The following SORCS1 variants were observed in gnomAD, a reference collection of about 807,000 sequenced individuals.
The protein encoded by SORCS1 is VPS10 domain-containing receptor SorCS1.
Under a neutral mutation model 146.1 loss-of-function variants are expected in SORCS1, and 60 were observed. That is an observed-to-expected ratio of 0.41 (90% CI 0.33 to 0.51). SORCS1 has a LOEUF of 0.51. Among genes scored for constraint, SORCS1 ranks in the 20% least tolerant of loss-of-function variants. The probability of loss-of-function intolerance (pLI) is 0.21; values close to 1 mark genes in which losing one functional copy is unlikely to be tolerated. For missense variants in SORCS1, 1,352 were observed against 1,487.6 expected (o/e 0.91, Z 1.50); for synonymous variants, 637 against 584.0 (o/e 1.09, Z -1.31).
At chr10:106,930,287 A>AAAAAAAAC (rs1469256196) in intron 2 of SORCS1, among the ~76,000 whole-genome samples, 2 of 152,080 alleles carry the variant, frequency 1.3e-5, no homozygotes, top group Admixed American at 6.6e-5. Context: ...GTCTCTAAAA[A>AAAAAAAAC]AAAAAAACAA....
intron 1 of SORCS1, among the ~76,000 whole-genome samples, chr10:107,141,918 C>G (rs760397307): frequency 1.3e-5 from 2 of 152,198 alleles, no homozygotes; most frequent in Non-Finnish European, 2.9e-5. Context: ...GTAAAATAGT[C>G]TAATTCCTTC....
intron 22 of SORCS1, among the ~76,000 whole-genome samples, chr10:106,609,962 TA>T (rs2133402646): frequency 6.6e-6 from 1 of 152,238 alleles, no homozygotes; most frequent in South Asian, 2.1e-4. Flanking sequence ...GTGGGTTCGT[TA>T]AAGAGCATAA....
intron 1 of SORCS1, among the ~76,000 whole-genome samples, chr10:107,147,287 G>A (rs190254181): frequency 2.0e-5 from 3 of 152,120 alleles, no homozygotes; most frequent in Admixed American, 1.3e-4. Context: ...CAACATGGGC[G>A]CTGGTTCTCA....
intron 1 of SORCS1, among the ~76,000 whole-genome samples, chr10:107,131,648 G>C (rs191849072): frequency 7.0e-4 from 107 of 152,290 alleles, no homozygotes; most frequent in African/African-American, 2.5e-3. Flanking sequence ...GAACCCGGGA[G>C]GTAGAGGTTA....
rs1039512213 is a variant in SORCS1, at chr10:106,634,506, G to A, written c.2476-5118C>T. Among the ~76,000 whole-genome samples, 15 of 152,164 alleles carry A rather than the reference G, an allele frequency of 9.9e-5. No homozygotes were observed. The South Asian group carries it at 1.9e-3, about 19-fold the overall frequency. ...CAGCTAGTTAGACACCTGCAAAAGG[G>A]TTTAAGATGATCTGTGCTTTGACTT... is the stretch of plus-strand genomic sequence containing the variant. On this transcript the variant is annotated intron_variant, in intron 18 of 25. Transcript: ENST00000263054.
At chr10:106,884,527 C>T (rs1374929612) in intron 2 of SORCS1, among the ~76,000 whole-genome samples, 74 of 152,150 alleles carry the variant, frequency 4.9e-4, no homozygotes, top group Non-Finnish European at 5.9e-5. Context: ...AGAATTTAAT[C>T]ATGTCTTGGT....
chr10:106,601,701 G>C (rs1030088736), intron 23 of SORCS1, among the ~76,000 whole-genome samples: 1 of 152,230 alleles, frequency 6.6e-6, no homozygotes, highest in Admixed American at 6.5e-5. Flanking sequence ...CAGCTATGCA[G>C]TGGTGTTGGG....
At chr10:106,771,848 C>T (rs1045168353) in intron 4 of SORCS1, among the ~76,000 whole-genome samples, 2 of 152,140 alleles carry the variant, frequency 1.3e-5, no homozygotes, top group Non-Finnish European at 2.9e-5. Context: ...TGTCTTTACT[C>T]GATAAGTCTC....
chr10:106,681,798 A>G (rs1412980606), intron 10 of SORCS1, among the ~76,000 whole-genome samples: 1 of 152,148 alleles, frequency 6.6e-6, no homozygotes, highest in Non-Finnish European at 1.5e-5. Context: ...CACCTGACCT[A>G]AGGATTATTT....
At chr10:106,778,587 G>T (rs1860644422) in intron 3 of SORCS1, among the ~76,000 whole-genome samples, 1 of 152,108 alleles carries the variant, frequency 6.6e-6, no homozygotes, top group South Asian at 2.1e-4. Context: ...TCATATTTAT[G>T]AATACATAAA....
intron 1 of SORCS1, among the ~76,000 whole-genome samples, chr10:107,039,259 A>C (rs1386307983): frequency 4.8e-5 from 7 of 144,644 alleles, no homozygotes; most frequent in Non-Finnish European, 7.5e-5. Flanking sequence ...ACCCGGGAGG[A>C]GGAGTTTGCA....
intron 2 of SORCS1, among the ~76,000 whole-genome samples, chr10:106,856,133 T>A (rs551473496): frequency 6.6e-6 from 1 of 152,058 alleles, no homozygotes; most frequent in Non-Finnish European, 1.5e-5. Context: ...TTCAAGCTAT[T>A]CTCCAGCCTC....
chr10:106,689,183 T>A (rs1269789228), intron 9 of SORCS1, among the ~76,000 whole-genome samples: 2 of 152,232 alleles, frequency 1.3e-5, no homozygotes, highest in Non-Finnish European at 2.9e-5. Flanking sequence ...CTTCTATATG[T>A]TAGGTAAGAA....
At chr10:106,850,963 T>C (rs974212813) in intron 2 of SORCS1, among the ~76,000 whole-genome samples, 3 of 152,200 alleles carry the variant, frequency 2.0e-5, no homozygotes, top group Admixed American at 6.5e-5. Context: ...GAGTCATTTT[T>C]GTTCCTGTCC....
chr10:106,796,483 G>T (rs1200767082), intron 3 of SORCS1, among the ~76,000 whole-genome samples: 1 of 152,016 alleles, frequency 6.6e-6, no homozygotes, highest in East Asian at 1.9e-4. Context: ...ATACTCATAA[G>T]TCCCATCCCG....
At chr10:106,798,993 C>T (rs1946732053) in intron 3 of SORCS1, among the ~76,000 whole-genome samples, 1 of 152,188 alleles carries the variant, frequency 6.6e-6, no homozygotes, top group Admixed American at 6.5e-5. Flanking sequence ...TACAAAGCTA[C>T]AGTAACCAAA....
At chr10:106,656,593 T>A (rs1450282778) in intron 17 of SORCS1, among the ~76,000 whole-genome samples, 2 of 151,242 alleles carry the variant, frequency 1.3e-5, no homozygotes, top group African/African-American at 4.8e-5. Context: ...TTTTTCTTTG[T>A]GAAAGTAAAA....
At chr10:106,826,501 A>G (rs532670041) in intron 3 of SORCS1, among the ~76,000 whole-genome samples, 2 of 152,334 alleles carry the variant, frequency 1.3e-5, no homozygotes, top group Admixed American at 1.3e-4. Context: ...ATAAATTCTC[A>G]TTGATTGGAG....
chr10:106,679,765 T>C, intron 10 of SORCS1, 31 bp from the exon 11 acceptor site: 1 of 1,518,380 alleles, frequency 6.6e-7, no homozygotes, highest in Non-Finnish European at 9.1e-7. Flanking sequence ...TGCCACAAAA[T>C]CACATAATCA....
Sources: allele counts gnomAD v4.1 joint callset (sites outside exome capture counted in the v4.1 genomes callset), GRCh38; gene constraint gnomAD v4.1.1; transcripts MANE v1.5; gene names NCBI Gene and HGNC (gene_info 2026-07-23, HGNC 2026-07-21).